Variants in CTNNA2 observed in about 807,000 individuals in gnomAD.
The protein encoded by CTNNA2 is catenin alpha 2, also known as catenin alpha-2.
CTNNA2 carries 42 observed loss-of-function variants against 101.0 expected under a neutral mutation model. That is an observed-to-expected ratio of 0.42 (90% CI 0.32 to 0.54). The LOEUF (loss-of-function observed/expected upper bound fraction) is 0.54, where lower values mean the gene tolerates loss of function less well. Among genes scored for constraint, CTNNA2 ranks in the 20% least tolerant of loss-of-function variants. The probability of loss-of-function intolerance (pLI) is 0.14; values close to 1 mark genes in which losing one functional copy is unlikely to be tolerated. For synonymous variants in CTNNA2, 450 were observed against 456.4 expected (o/e 0.99, Z 0.18); for missense variants, 871 against 1,223.1 (o/e 0.71, Z 4.29).
intron 9 of CTNNA2, among the ~76,000 whole-genome samples, chr2:80,473,546 T>C (rs1167742930): frequency 6.6e-6 from 1 of 152,174 alleles, no homozygotes; most frequent in Non-Finnish European, 1.5e-5. Context: ...CATGCTAAAA[T>C]GAAAGTCTGG....
chr2:79,356,488 A>C (rs942353440), intron 3 of CTNNA2, among the ~76,000 whole-genome samples: 2 of 152,202 alleles, frequency 1.3e-5, no homozygotes, highest in Non-Finnish European at 2.9e-5. Context: ...TCTTAACATG[A>C]GGTAAGAGGC....
At chr2:79,514,951 A>T (rs746961695) in intron 1 of CTNNA2, among the ~76,000 whole-genome samples, 57 of 152,126 alleles carry the variant, frequency 3.7e-4, no homozygotes, top group Non-Finnish European at 7.1e-4. Context: ...TTTGCATTTT[A>T]TGGGAGTGTA....
At chr2:80,511,030 G>A (rs558409594) in intron 9 of CTNNA2, among the ~76,000 whole-genome samples, 9 of 152,262 alleles carry the variant, frequency 5.9e-5, no homozygotes, top group South Asian at 4.1e-4. Context: ...GAAGGCTTTG[G>A]TGGCAACTTA....
intron 9 of CTNNA2, among the ~76,000 whole-genome samples, chr2:80,420,238 C>T (rs1373555804): frequency 2.0e-5 from 3 of 151,872 alleles, no homozygotes; most frequent in Non-Finnish European, 4.4e-5. Flanking sequence ...AAGTAAATGA[C>T]AACTAGGCTG....
At chr2:79,778,596 TACATATATACAC>T (rs1202520648) in intron 3 of CTNNA2, among the ~76,000 whole-genome samples, 5 of 152,136 alleles carry the variant, frequency 3.3e-5, no homozygotes, top group East Asian at 1.9e-4. Context: ...CATATATACA[TACATATATACAC>T]ACATATATAC....
intron 2 of CTNNA2, among the ~76,000 whole-genome samples, chr2:79,218,422 GTCC>G (rs1316673266): frequency 6.6e-6 from 1 of 150,432 alleles, no homozygotes; most frequent in Non-Finnish European, 1.5e-5. Context: ...GCCTCAAGCA[GTCC>G]TCCTGCCTCA....
At chr2:80,090,380 C>A (rs771953071) in intron 7 of CTNNA2, among the ~76,000 whole-genome samples, 4 of 152,014 alleles carry the variant, frequency 2.6e-5, no homozygotes, top group Non-Finnish European at 5.9e-5. Context: ...CTTCCTGCTA[C>A]TACAAGCACC....
At chr2:80,057,364 CCTT>C (rs781054244) in intron 7 of CTNNA2, among the ~76,000 whole-genome samples, 8 of 152,104 alleles carry the variant, frequency 5.3e-5, no homozygotes, top group Non-Finnish European at 7.3e-5. Flanking sequence ...CCGGAACTAA[CCTT>C]CTGAAATACA....
intron 4 of CTNNA2, among the ~76,000 whole-genome samples, chr2:79,431,358 C>T (rs996856787): frequency 2.0e-5 from 3 of 152,132 alleles, no homozygotes; most frequent in African/African-American, 7.2e-5. Context: ...TAGTGACATA[C>T]AACAGCAAAG....
intron 7 of CTNNA2, among the ~76,000 whole-genome samples, chr2:80,253,794 C>T (rs1390725939): frequency 6.6e-6 from 1 of 152,148 alleles, no homozygotes. Flanking sequence ...GGATTCTAGT[C>T]CCAGATCTGC....
chr2:80,252,137 T>G (rs1671815475), intron 7 of CTNNA2, among the ~76,000 whole-genome samples: 1 of 152,154 alleles, frequency 6.6e-6, no homozygotes, highest in African/African-American at 2.4e-5. Context: ...GGTAAGTTAT[T>G]TACATCTCTC....
At chr2:80,375,572 T>TG (rs1216026404) in intron 7 of CTNNA2, among the ~76,000 whole-genome samples, 1 of 143,490 alleles carries the variant, frequency 7.0e-6, no homozygotes, top group African/African-American at 2.7e-5. Flanking sequence ...CTTTTTTTTT[T>TG]TTTTTTTTTT....
rs563808839 is a variant in CTNNA2 at position 79,582,182 on chromosome 2, TACTTA to T, written c.-6+68980_-6+68984del. ...GTGTGTAAAATGGGCATTATAATTG[TACTTA>T]ACTTTCTATCATTGTCATAAGAATT... is the stretch of plus-strand genomic sequence containing the variant. On this transcript the variant is annotated intron_variant, in intron 1 of 18. Coordinates refer to ENST00000402739, the MANE Select transcript of CTNNA2 (RefSeq NM_001282597.3). Among the ~76,000 whole-genome samples the T allele has an allele frequency of 1.1e-3, 166 of 152,354 alleles. 1 individual carries two copies. Among genetic ancestry groups the T allele is most frequent in the African/African-American group, 3.6e-3 (151 of 41,594 alleles).
intron 7 of CTNNA2, among the ~76,000 whole-genome samples, chr2:80,073,161 T>C (rs924179039): frequency 2.0e-5 from 3 of 152,110 alleles, no homozygotes; most frequent in African/African-American, 7.2e-5. Flanking sequence ...CTACATCTCA[T>C]GGGGAAAGGA....
chr2:79,893,957 T>C (rs1166792128), intron 6 of CTNNA2, among the ~76,000 whole-genome samples: 1 of 152,080 alleles, frequency 6.6e-6, no homozygotes, highest in Admixed American at 6.6e-5. Context: ...TCTAACTAAA[T>C]TGAGCATTTT....
chr2:80,639,109 C>G (rs1454170723), intron 18 of CTNNA2, among the ~76,000 whole-genome samples: 1 of 152,348 alleles, frequency 6.6e-6, no homozygotes, highest in East Asian at 1.9e-4. Flanking sequence ...ATTTGCTTTA[C>G]AAGATCCTGT....
chr2:80,031,209 T>C (rs888384078), intron 7 of CTNNA2, among the ~76,000 whole-genome samples: 5 of 152,192 alleles, frequency 3.3e-5, no homozygotes, highest in Non-Finnish European at 7.3e-5. Context: ...CATGTGTATA[T>C]ATCAGTGTAG....
chr2:79,886,399 A>G (rs1267206205), intron 6 of CTNNA2, among the ~76,000 whole-genome samples: 1 of 152,110 alleles, frequency 6.6e-6, no homozygotes, highest in Non-Finnish European at 1.5e-5. Flanking sequence ...AGAGCTATTC[A>G]GCCTTGCAAG....
At chr2:79,427,899 A>G (rs1194972632) in intron 4 of CTNNA2, among the ~76,000 whole-genome samples, 1 of 152,100 alleles carries the variant, frequency 6.6e-6, no homozygotes, top group African/African-American at 2.4e-5. Context: ...GTGGAGTAAT[A>G]AACCTTTACT....
Sources: allele counts gnomAD v4.1 joint callset (sites outside exome capture counted in the v4.1 genomes callset), GRCh38; gene constraint gnomAD v4.1.1; transcripts MANE v1.5; gene names NCBI Gene and HGNC (gene_info 2026-07-23, HGNC 2026-07-21).